Variants in NCKAP5 observed in about 807,000 individuals in gnomAD.
NCKAP5 encodes nck-associated protein 5.
NCKAP5 carries 92 observed loss-of-function variants against 167.0 expected under a neutral mutation model. The ratio of observed to expected loss-of-function variants is 0.55; its 90% CI spans 0.47 to 0.66. NCKAP5 has a LOEUF of 0.66. Ranked by LOEUF, NCKAP5 falls within the 30% of genes least tolerant of loss-of-function variation. NCKAP5 has a pLI of 0.00. For missense variants in NCKAP5, 2,378 were observed against 2,315.0 expected, an observed-to-expected ratio of 1.03 and a Z score of -0.56; for synonymous variants, 891 against 877.4, an observed-to-expected ratio of 1.02 and a Z score of -0.27.
At chr2:133,427,759 A>G (rs999332255) in intron 3 of NCKAP5, among the ~76,000 whole-genome samples, 2 of 152,160 alleles carry the variant, frequency 1.3e-5, no homozygotes, top group South Asian at 4.1e-4. Flanking sequence ...GCATTAAAAA[A>G]TCTATCAATT....
chr2:133,432,628 A>G (rs910472937), intron 3 of NCKAP5, among the ~76,000 whole-genome samples: 1 of 152,206 alleles, frequency 6.6e-6, no homozygotes, highest in African/African-American at 2.4e-5. Flanking sequence ...CCTGGCCGTC[A>G]GGGTAGCATG....
At chr2:133,347,614 T>C (rs1684068263) in intron 3 of NCKAP5, among the ~76,000 whole-genome samples, 1 of 150,906 alleles carries the variant, frequency 6.6e-6, no homozygotes, top group Admixed American at 6.6e-5. Context: ...AAAGTATAAA[T>C]ATTCTACAAT....
At chr2:133,429,477 G>T (rs1399961832) in intron 3 of NCKAP5, among the ~76,000 whole-genome samples, 1 of 151,688 alleles carries the variant, frequency 6.6e-6, no homozygotes, top group Non-Finnish European at 1.5e-5. Context: ...TTTAGTCCTT[G>T]CCTCCCTCCC....
intron 6 of NCKAP5, among the ~76,000 whole-genome samples, chr2:133,010,960 AAAGC>A (rs1419616674): frequency 6.6e-6 from 1 of 152,232 alleles, no homozygotes; most frequent in East Asian, 1.9e-4. Context: ...TTGATATTTA[AAAGC>A]AATAGAAAAA....
chr2:132,703,579 G>T (rs1051025080), intron 19 of NCKAP5, among the ~76,000 whole-genome samples: 3 of 152,144 alleles, frequency 2.0e-5, no homozygotes, highest in Non-Finnish European at 4.4e-5. Context: ...TTCCTCTATG[G>T]TCCATTGCGA....
intron 4 of NCKAP5, among the ~76,000 whole-genome samples, chr2:133,248,466 T>C (rs1048934506): frequency 6.6e-6 from 1 of 152,188 alleles, no homozygotes; most frequent in African/African-American, 2.4e-5. Flanking sequence ...CAGTGTGCAC[T>C]AAACAGGGCA....
At chr2:133,373,299 T>A (rs1356559882) in intron 3 of NCKAP5, among the ~76,000 whole-genome samples, 5 of 152,032 alleles carry the variant, frequency 3.3e-5, no homozygotes, top group African/African-American at 1.2e-4. Flanking sequence ...CCTCAAGTGA[T>A]CCACCCACCT....
chr2:132,819,107 T>C (rs1036237081), intron 11 of NCKAP5, among the ~76,000 whole-genome samples: 20 of 152,110 alleles, frequency 1.3e-4, no homozygotes, highest in African/African-American at 4.6e-4. Flanking sequence ...AAAAAAATGG[T>C]CTATGGTTAA....
At chr2:133,269,151 C>A (rs2089392803) in intron 4 of NCKAP5, 1 of 152,150 alleles carries the variant, frequency 6.6e-6, no homozygotes, top group Non-Finnish European at 1.5e-5. Flanking sequence ...TTGGTCTTAA[C>A]TTCAAAATAT....
At chr2:133,463,498 T>C (rs1189647978) in intron 3 of NCKAP5, among the ~76,000 whole-genome samples, 1 of 152,248 alleles carries the variant, frequency 6.6e-6, no homozygotes, top group Non-Finnish European at 1.5e-5. Flanking sequence ...GATTATTTTC[T>C]AGCAAATAGT....
At position 133,256,662 on chromosome 2, in the gene NCKAP5, C is replaced by T. The variant is rs1444638977; in HGVS notation, c.144-42883G>A. Among the ~76,000 whole-genome samples the T allele has an allele frequency of 3.3e-5, 5 of 152,162 alleles. No homozygotes were observed. In the East Asian group the frequency reaches 9.7e-4, roughly 29 times the overall value. On this transcript the variant is annotated intron_variant, in intron 4 of 19. Transcript: ENST00000409261. ...TAGAAAATGAATGTGCCCACATGAA[C>T]CAGTAGAGACATATCATTACCTCAC...
chr2:132,860,596 A>G lies in NCKAP5; in HGVS notation c.703T>C (p.Cys235Arg), dbSNP rs765290777. The change falls in exon 11 of 20, where the codon TGT (cysteine) becomes CGT (arginine). Residue 235 changes from cysteine to arginine, a missense_variant. This residue lies in a region of NCKAP5 where 1,049 missense variants were observed against 1,023.4 expected (regional missense o/e 1.02). Coordinates refer to ENST00000409261, the MANE Select transcript of NCKAP5 (RefSeq NM_207363.3). ...AACACTCTTGTTTTCAACTTCACACATTCCTCTCTTAGATCCTACAACAAA... is the reference window on the plus strand; with the variant it reads ...AACACTCTTGTTTTCAACTTCACACGTTCCTCTCTTAGATCCTACAACAAA... ...LLTQKDLREE[C>R]VKLKTRVFDL... 6.3e-7 allele frequency: 1 copy of G among 1,575,358 alleles called. No homozygotes were observed. The highest frequency in any genetic ancestry group is 2.3e-5 in the East Asian group (1 of 43,620).
rs558761582 is a variant in NCKAP5 at position 133,499,749 on chromosome 2, G to A, written c.69+17709C>T. 5.3e-5 allele frequency among the ~76,000 whole-genome samples: 8 copies of A among 152,128 alleles called. No individual in the cohort carries two copies. The South Asian group carries it at 1.5e-3, about 28-fold the overall frequency. Reference sequence around the variant, plus strand: ...TAATTTTTGTATTTTTAGTAGAGACGGGGTTTCACCATGTAGGCCAGACTA... The same window carrying A: ...TAATTTTTGTATTTTTAGTAGAGACAGGGTTTCACCATGTAGGCCAGACTA... On this transcript the variant is annotated intron_variant, in intron 3 of 19. Transcript: ENST00000409261.
intron 5 of NCKAP5, among the ~76,000 whole-genome samples, chr2:133,152,872 G>A (rs1172263938): frequency 6.6e-6 from 1 of 152,168 alleles, no homozygotes; most frequent in Non-Finnish European, 1.5e-5. Flanking sequence ...ATTCAGTACA[G>A]TAATATGCTA....
chr2:133,473,360 T>G (rs536523795), intron 3 of NCKAP5, among the ~76,000 whole-genome samples: 12 of 152,268 alleles, frequency 7.9e-5, no homozygotes, highest in South Asian at 6.2e-4. Flanking sequence ...TAATTTAGCT[T>G]TTTATTGGCT....
intron 6 of NCKAP5, among the ~76,000 whole-genome samples, chr2:133,012,311 T>C (rs1340948370): frequency 1.3e-5 from 2 of 152,094 alleles, no homozygotes; most frequent in African/African-American, 4.8e-5. Flanking sequence ...GCAGTGGTGC[T>C]ATCTCGGCTC....
At chr2:133,148,513 C>T (rs1432529999) in intron 5 of NCKAP5, among the ~76,000 whole-genome samples, 1 of 152,140 alleles carries the variant, frequency 6.6e-6, no homozygotes, top group African/African-American at 2.4e-5. Context: ...CCAGGTCTCT[C>T]TTAAGCAGGG....
At chr2:133,028,052 A>AT (rs1248517788) in intron 6 of NCKAP5, among the ~76,000 whole-genome samples, 1 of 152,158 alleles carries the variant, frequency 6.6e-6, no homozygotes, top group Non-Finnish European at 1.5e-5. Context: ...TGTATTTCAG[A>AT]TTTTTGGATT....
chr2:133,166,292 G>C (rs1461230698), intron 5 of NCKAP5, among the ~76,000 whole-genome samples: 3 of 152,048 alleles, frequency 2.0e-5, no homozygotes, highest in Non-Finnish European at 4.4e-5. Context: ...CATTTTGCCT[G>C]GTTCATACTT....
Sources: gnomAD v4.1 joint callset for allele counts (sites outside exome capture counted in the v4.1 genomes callset) on GRCh38, gnomAD v4.1.1 for gene constraint, gnomAD v4.1.1 regional missense constraint, MANE v1.5 for transcripts, NCBI Gene and HGNC (gene_info 2026-07-23, HGNC 2026-07-21) for gene names.